The following PKHD1L1 variants were observed in gnomAD, a reference collection of about 807,000 sequenced individuals.
The protein encoded by PKHD1L1 is fibrocystin-L.
PKHD1L1 carries 434 observed loss-of-function variants against 462.9 expected under a neutral mutation model. The ratio of observed to expected loss-of-function variants is 0.94; its 90% CI spans 0.87 to 1.02. PKHD1L1 has a LOEUF of 1.02. Among genes scored for constraint, PKHD1L1 ranks in the 50% least tolerant of loss-of-function variants. The pLI is 0.00. For synonymous variants in PKHD1L1, 1,781 were observed against 1,750.0 expected, an observed-to-expected ratio of 1.02 and a Z score of -0.44; for missense variants, 5,202 against 5,096.1, an observed-to-expected ratio of 1.02 and a Z score of -0.63.
At chr8:109,446,323 G>T (rs1347500446) in intron 38 of PKHD1L1, among the ~76,000 whole-genome samples, 1 of 152,088 alleles carries the variant, frequency 6.6e-6, no homozygotes, top group African/African-American at 2.4e-5. Flanking sequence ...TGAGAGCTTG[G>T]CTCTCAAATG....
chr8:109,456,467 ATGG>A (rs1367064819), intron 46 of PKHD1L1, 76 bp downstream of exon 46: 1 of 1,368,378 alleles, frequency 7.3e-7, no homozygotes. Flanking sequence ...GACAATTCAG[ATGG>A]TGCATGACTA....
chr8:109,407,197 A>G (rs1813603319), intron 17 of PKHD1L1, among the ~76,000 whole-genome samples: 1 of 152,150 alleles, frequency 6.6e-6, no homozygotes, highest in South Asian at 2.1e-4. Flanking sequence ...ATATGTAAGT[A>G]AAATGTTACT....
At chr8:109,388,666 A>G in intron 7 of PKHD1L1, 116 bp downstream of exon 7, 2 of 732,070 alleles carry the variant, frequency 2.7e-6, no homozygotes, top group Non-Finnish European at 2.2e-6. Context: ...TACAGTATAA[A>G]TTATAATATT....
rs1815601561 is a variant in PKHD1L1, at chr8:109,438,881, A to T, written c.3761-16A>T. On this transcript the variant is annotated splice_polypyrimidine_tract_variant and intron_variant, in intron 31 of 77. Coordinates refer to ENST00000378402, the MANE Select transcript of PKHD1L1 (RefSeq NM_177531.6). ...GTTGAACTTTTTGCATTATTTTTTA[A>T]ATTTTAAAATACCAGGAGAAGTTAA... is the stretch of plus-strand genomic sequence containing the variant. The T allele has an allele frequency of 6.5e-7, 1 of 1,537,832 alleles. No individual in the cohort carries two copies. The highest frequency in any genetic ancestry group is 1.4e-5 in the African/African-American group (1 of 71,660).
chr8:109,510,792 G>T lies in PKHD1L1; in HGVS notation c.11411G>T (p.Gly3804Val). The T allele has an allele frequency of 6.2e-7, 1 of 1,612,968 alleles. No individual in the cohort carries two copies. Reference protein sequence around the residue: ...VDLINGPQDHGWCAGYTCQRR... With the variant: ...VDLINGPQDHVWCAGYTCQRR... ...ATGGATTTAGGCCCACAGGATCATG[G>T]CTGGTGTGCTGGATATACATGCCAG... The change falls in exon 71 of 78, where the codon GGC becomes GTC. Residue 3804 changes from glycine to valine, a missense_variant. By Grantham distance (109) the Gly-to-Val change is moderately radical. Transcript: ENST00000378402.
chr8:109,427,306 G>A (rs1425429446), intron 25 of PKHD1L1, 150 bp downstream of exon 25: 11 of 661,670 alleles, frequency 1.7e-5, no homozygotes, highest in Non-Finnish European at 2.6e-5. Flanking sequence ...TAAGGAGAAG[G>A]TTTTTTTCTA....
At chr8:109,469,401 A>T (rs578114895) in intron 50 of PKHD1L1, among the ~76,000 whole-genome samples, 1 of 152,214 alleles carries the variant, frequency 6.6e-6, no homozygotes, top group African/African-American at 2.4e-5. Context: ...AGAGCCCACC[A>T]ATATCCCCCT....
intron 76 of PKHD1L1, 93 bp from the exon 77 acceptor site, chr8:109,526,691 A>T: frequency 9.7e-7 from 1 of 1,032,148 alleles, no homozygotes; most frequent in Non-Finnish European, 1.4e-6. Context: ...GGATCTATAT[A>T]GTGTTTTTCA....
chr8:109,475,833 G>A (rs2130869352), intron 51 of PKHD1L1, among the ~76,000 whole-genome samples: 1 of 137,788 alleles, frequency 7.3e-6, no homozygotes, highest in East Asian at 2.0e-4. Flanking sequence ...GGGCGACAGA[G>A]GGAGACTCCA....
At chr8:109,498,924 A>T (rs774958645) in intron 67 of PKHD1L1, 153 bp downstream of exon 67, 16 of 678,430 alleles carry the variant, frequency 2.4e-5, no homozygotes, top group Non-Finnish European at 3.9e-5. Context: ...CATCAGAGTC[A>T]ATTTTGAGAA....
intron 2 of PKHD1L1, among the ~76,000 whole-genome samples, chr8:109,369,390 A>C (rs964467649): frequency 6.6e-6 from 1 of 152,152 alleles, no homozygotes; most frequent in African/African-American, 2.4e-5. Flanking sequence ...TTTTTTCAGC[A>C]ATATTAATAA....
intron 71 of PKHD1L1, among the ~76,000 whole-genome samples, chr8:109,511,605 T>G (rs1442154388): frequency 1.3e-5 from 2 of 152,008 alleles, no homozygotes; most frequent in Non-Finnish European, 1.5e-5. Context: ...TGTTGGACAT[T>G]TGGGTTGGTT....
rs112425558 is a variant in PKHD1L1, at chr8:109,513,621, G to T, written c.11554-1549G>T. ...TCCCAGGGTGTTTAATGTGAAGAAA[G>T]AATGCTGATAAGGTGAAGCAGAGAA... On this transcript the variant is annotated intron_variant, in intron 71 of 77. Transcript: ENST00000378402. Among the ~76,000 whole-genome samples the T allele has an allele frequency of 1.8e-3, 275 of 152,176 alleles. 2 individuals carry two copies. The highest frequency in any genetic ancestry group is 6.3e-3 in the African/African-American group (263 of 41,544).
chr8:109,518,444 G>A lies in PKHD1L1; in HGVS notation c.11967G>A (p.Met3989Ile). ...AGAGTCTGAGGAGGAAGAGATCCAT[G>A]GGATTCATAATTGAAATAGAGATTG... ...RGKSLRRKRS[M>I]GFIIEIEIGD... Residue 3989 changes from methionine (M) to isoleucine (I), a missense_variant, in exon 73 of 78, where the codon ATG (methionine) becomes ATA (isoleucine). This residue lies in a region of PKHD1L1 where 698 missense variants were observed against 736.3 expected (regional missense o/e 0.95). Coordinates refer to ENST00000378402, the MANE Select transcript of PKHD1L1 (RefSeq NM_177531.6). The A allele has an allele frequency of 1.2e-6, 2 of 1,610,714 alleles. No homozygotes were observed. Among genetic ancestry groups the A allele is most frequent in the Non-Finnish European group, 1.7e-6 (2 of 1,179,514 alleles).
intron 71 of PKHD1L1, among the ~76,000 whole-genome samples, chr8:109,511,283 C>T (rs868108328): frequency 1.1e-4 from 17 of 152,052 alleles, no homozygotes; most frequent in East Asian, 5.8e-4. Flanking sequence ...CATGCCGGTG[C>T]GCTGCACCCA....
intron 73 of PKHD1L1, 130 bp downstream of exon 73, chr8:109,518,638 GC>G: frequency 1.4e-6 from 1 of 693,374 alleles, no homozygotes; most frequent in Non-Finnish European, 2.3e-6. Flanking sequence ...CCCTCTAAGT[GC>G]CCAGAGACCC....
chr8:109,398,448 C>T lies in PKHD1L1; in HGVS notation c.923-11C>T. 1 of 1,498,564 alleles carries T rather than the reference C, an allele frequency of 6.7e-7. No individual in the cohort carries two copies. Among genetic ancestry groups the T allele is most frequent in the Non-Finnish European group, 9.1e-7 (1 of 1,096,678 alleles). The allele number at this position is 1,498,564 out of a possible 1,614,324, so 92.8% of individuals were successfully genotyped here. ...TCAGTAGTAACGGTTTTGTATCTTG[C>T]TTCTCTATAGGTGAACCTTGTGATA... On this transcript the variant is annotated splice_polypyrimidine_tract_variant and intron_variant, in intron 11 of 77. Coordinates refer to ENST00000378402, the MANE Select transcript of PKHD1L1 (RefSeq NM_177531.6).
At chr8:109,410,031 G>T in intron 19 of PKHD1L1, 53 bp downstream of exon 19, 2 of 985,626 alleles carry the variant, frequency 2.0e-6, no homozygotes, top group South Asian at 1.9e-5. Context: ...TTTATATAAT[G>T]GTTTTAAATT....
chr8:109,385,862 G>T (rs1350521522), intron 6 of PKHD1L1, among the ~76,000 whole-genome samples: 1 of 151,774 alleles, frequency 6.6e-6, no homozygotes, highest in Admixed American at 6.6e-5. Context: ...TTATTGTTTT[G>T]TGATGGATTT....
Sources: allele counts gnomAD v4.1 joint callset (sites outside exome capture counted in the v4.1 genomes callset), GRCh38; gene constraint gnomAD v4.1.1; regional missense constraint gnomAD v4.1.1; transcripts MANE v1.5; gene names NCBI Gene and HGNC (gene_info 2026-07-23, HGNC 2026-07-21).